LRRC45: variants seen among roughly 807,000 people sequenced by gnomAD.
LRRC45 encodes leucine-rich repeat-containing protein 45.
A neutral mutation model predicts 85.4 loss-of-function variants in LRRC45; 73 were observed. The ratio of observed to expected loss-of-function variants is 0.85; its 90% confidence interval spans 0.71 to 1.04. The LOEUF is 1.04. LRRC45 is among the 50% of genes least tolerant of loss of function. The pLI is 0.00. For missense variants in LRRC45, 937 were observed against 883.3 expected, an observed-to-expected ratio of 1.06 and a Z score of -0.77; for synonymous variants, 429 against 386.0, an observed-to-expected ratio of 1.11 and a Z score of -1.31.
At chr17:82,026,613 T>G (rs1399222550) in intron 5 of LRRC45, among the ~76,000 whole-genome samples, 1 of 144,080 alleles carries the variant, frequency 6.9e-6, no homozygotes, top group Non-Finnish European at 1.5e-5. Flanking sequence ...TGAGTTTCAC[T>G]CAGTCACCCA....
intron 2 of LRRC45, 39 bp from the exon 3 acceptor site, chr17:82,024,654 C>A: frequency 6.4e-7 from 1 of 1,553,426 alleles, no homozygotes; most frequent in South Asian, 1.2e-5. Context: ...CAGAGCCAGT[C>A]AGGGCACGCG....
Position 82,029,122 on chromosome 17 carries a change from G to C in LRRC45, c.1338G>C (p.Glu446Asp), listed in dbSNP as rs1224280140. The part of the protein sequence containing the change: ...EVEHMTRHLE[E>D]SEKAMQERVQ... ...AGCATATGACCCGTCACCTGGAGGA[G>C]AGTGAGAAGGCCATGCAGGAGCGGG... is the stretch of plus-strand genomic sequence containing the variant. The change falls in exon 13 of 17, where the codon GAG (glutamate) becomes GAC (aspartate). Residue 446 changes from glutamate to aspartate, a missense_variant. Coordinates refer to ENST00000306688, the MANE Select transcript of LRRC45 (RefSeq NM_144999.4). 8 of 1,612,740 alleles carry C rather than the reference G, an allele frequency of 5.0e-6. No individual in the cohort carries two copies. Among genetic ancestry groups the C allele is most frequent in the Non-Finnish European group, 6.8e-6 (8 of 1,179,934 alleles).
In LRRC45 at chr17:82,028,057, C is replaced by G. The variant is rs1167830680; in HGVS notation, c.958C>G (p.Gln320Glu). The G allele has an allele frequency of 2.5e-6, 4 of 1,604,428 alleles. No homozygotes were observed. The Admixed American group carries it at 6.8e-5, about 27-fold the overall frequency. ...CCTGGCTCTGTCGGAGCAGAAGGCCCAGGACCTGGGGGAGCTCCTGGCCAC... is the reference window on the plus strand; with the variant it reads ...CCTGGCTCTGTCGGAGCAGAAGGCCGAGGACCTGGGGGAGCTCCTGGCCAC... ...AALALSEQKA[Q>E]DLGELLATAE... Residue 320 changes from glutamine (Q) to glutamate (E), a missense_variant, in exon 9 of 17, where the codon CAG becomes GAG. Gln to Glu is a conservative substitution (Grantham distance 29). Transcript: ENST00000306688.
chr17:82,024,464 G>A (rs574326085), intron 2 of LRRC45, 125 bp downstream of exon 2: 1 of 1,177,982 alleles, frequency 8.5e-7, no homozygotes, highest in South Asian at 1.4e-5. Flanking sequence ...TGAGTCCCCA[G>A]GCCGCTCTCT....
At position 82,030,999 on chromosome 17, in the gene LRRC45, G is replaced by A. The variant is rs1029130975; in HGVS notation, c.*194G>A. 43 of 409,284 alleles carry A rather than the reference G, an allele frequency of 1.1e-4. No individual in the cohort carries two copies. The highest frequency in any genetic ancestry group is 1.3e-4 in the South Asian group (1 of 7,550). The allele number at this position is 409,284 out of a possible 1,614,324, so 25.4% of individuals were successfully genotyped here. ...GGCGCCTGGGAAGGGCTCCCTACCG[G>A]CCCCTTCTTCCCGGTCGACGCCACG... On this transcript the variant is annotated 3_prime_UTR_variant, in exon 17 of 17. Coordinates refer to ENST00000306688, the MANE Select transcript of LRRC45 (RefSeq NM_144999.4).
chr17:82,030,646 G>C lies in LRRC45; in HGVS notation c.1854G>C (p.Arg618Ser). The change falls in exon 17 of 17, where the codon AGG becomes AGC. Residue 618 changes from arginine to serine, a missense_variant. By Grantham distance (110) the Arg-to-Ser change is moderately radical. Coordinates refer to ENST00000306688, the MANE Select transcript of LRRC45 (RefSeq NM_144999.4). ...ASDHREALLDRESENASLREK... is the reference protein window; with the variant it reads ...ASDHREALLDSESENASLREK... ...ACCACCGAGAGGCGCTGCTGGACAG[G>C]GAGAGCGAGAACGCGTCTCTCCGGG... The C allele has an allele frequency of 7.0e-7, 1 of 1,426,662 alleles. No homozygotes were observed. The highest frequency in any genetic ancestry group is 2.8e-5 in the East Asian group (1 of 36,032). 88.4% of individuals were successfully genotyped at this position (1,426,662 alleles called of 1,614,324 possible).
At chr17:82,027,466 G>A in intron 7 of LRRC45, 22 bp downstream of exon 7, 2 of 1,612,490 alleles carry the variant, frequency 1.2e-6, no homozygotes, top group Non-Finnish European at 1.7e-6. Flanking sequence ...CAGGGCAGGG[G>A]CAGGGTGAGG....
rs763034187 is a variant in LRRC45 at position 82,030,213 on chromosome 17, G to T, written c.1643G>T (p.Arg548Leu). 52 of 1,537,172 alleles carry T rather than the reference G, an allele frequency of 3.4e-5. No individual in the cohort carries two copies. The highest frequency in any genetic ancestry group is 4.2e-5 in the Non-Finnish European group (48 of 1,138,882). Reference protein sequence around the residue: ...SQLGLQVEGLRRRLEELQQEL... With the variant: ...SQLGLQVEGLLRRLEELQQEL... The stretch of plus-strand genomic sequence containing the variant: ...CTGGGCCTGCAAGTTGAGGGCCTGC[G>T]GCGGCGCCTGGAAGAGCTGCAGCAG... Residue 548 changes from arginine to leucine, a missense_variant, in exon 15 of 17, where the codon CGG becomes CTG. Transcript: ENST00000306688.
intron 3 of LRRC45, 22 bp downstream of exon 3, chr17:82,024,785 A>G (rs2144139369): frequency 6.4e-7 from 1 of 1,565,914 alleles, no homozygotes. Flanking sequence ...TCCCGACCCC[A>G]GGCCCTGTCT....
rs1469884472 is a variant in LRRC45 at position 82,024,708 on chromosome 17, G to A, written c.298G>A (p.Ala100Thr). The stretch of plus-strand genomic sequence containing the variant: ...TCTCTCCTAGGGCAACAACCTTCGG[G>A]CTGCAGGGGCCGAGGCTCTGGGAAA... ...FLDLKGNNLRAAGAEALGKLL... is the reference protein window; with the variant it reads ...FLDLKGNNLRTAGAEALGKLL... The change falls in exon 3 of 17, where the codon GCT becomes ACT. Residue 100 changes from alanine to threonine, a missense_variant. Transcript: ENST00000306688. 6.4e-7 allele frequency: 1 copy of A among 1,574,466 alleles called. No homozygotes were observed. Among genetic ancestry groups the A allele is most frequent in the East Asian group, 2.3e-5 (1 of 44,420 alleles).
chr17:82,027,865 C>A (rs779903787), intron 8 of LRRC45, 114 bp downstream of exon 8: 13 of 1,511,666 alleles, frequency 8.6e-6, no homozygotes, highest in Non-Finnish European at 1.2e-5. Context: ...AATGGTGAGG[C>A]TGGGGCAGTA....
chr17:82,030,260 G>A (rs1294604920), intron 15 of LRRC45, 22 bp downstream of exon 15: 1 of 1,534,570 alleles, frequency 6.5e-7, no homozygotes, highest in Non-Finnish European at 8.8e-7. Context: ...TCCGGTGGGG[G>A]GCCCCGGGCG....
chr17:82,027,443 A>T lies in LRRC45; in HGVS notation c.832A>T (p.Arg278Trp). ...GCGAGAAGAGATGGCCAAGAGCAGCAGGTGAGCGGGCCCAGGGCAGGGGCA... is the reference window on the plus strand; with the variant it reads ...GCGAGAAGAGATGGCCAAGAGCAGCTGGTGAGCGGGCCCAGGGCAGGGGCA... The part of the protein sequence containing the change: ...KQREEMAKSS[R>W]ASAARVGQLQ... Residue 278 changes from arginine (R) to tryptophan (W), a missense_variant and splice_region_variant, in exon 7 of 17, where the codon AGG becomes TGG. Physicochemically the swap from Arg to Trp is moderately radical, Grantham distance 101. Coordinates refer to ENST00000306688, the MANE Select transcript of LRRC45 (RefSeq NM_144999.4). The T allele has an allele frequency of 4.3e-6, 7 of 1,612,730 alleles. No individual in the cohort carries two copies. The highest frequency in any genetic ancestry group is 5.9e-6 in the Non-Finnish European group (7 of 1,179,952).
Position 82,031,118 on chromosome 17 carries a change from G to C in LRRC45, c.*313G>C, listed in dbSNP as rs1445859748. 1.2e-5 allele frequency: 4 copies of C among 334,890 alleles called. No individual in the cohort carries two copies. Among genetic ancestry groups the C allele is most frequent in the African/African-American group, 6.4e-5 (3 of 47,218 alleles). 20.7% of individuals were successfully genotyped at this position (334,890 alleles called of 1,614,324 possible). On this transcript the variant is annotated 3_prime_UTR_variant, in exon 17 of 17. Transcript: ENST00000306688. ...GCTGCGGCCGCCTGCGCGCGGCGGG[G>C]TTTGGAAATACAGCGCGTTTGCACT...
rs548960765 is a variant in LRRC45, at chr17:82,030,781, G to A, written c.1989G>A (p.Val663=). ...TGGCTTACGTGCAGGCGTCCCCCGT[G>A]AGGACCCTGAGCCCCCCAAAGTGAG... ...AVLAYVQASP[V]RTLSPPK The change falls in exon 17 of 17, where the codon GTG becomes GTA. Residue 663 remains valine, a synonymous_variant. Coordinates refer to ENST00000306688, the MANE Select transcript of LRRC45 (RefSeq NM_144999.4). The A allele has an allele frequency of 2.1e-6, 3 of 1,410,754 alleles. No homozygotes were observed. In the African/African-American group the frequency reaches 4.4e-5, roughly 21 times the overall value. The allele number at this position is 1,410,754 out of a possible 1,614,324, so 87.4% of individuals were successfully genotyped here. A position where few individuals can be genotyped will look rare whatever the true frequency, so the allele number is the denominator to read the frequency against.
Position 82,030,157 on chromosome 17 carries a change from G to A in LRRC45, c.1587G>A (p.Val529=). 1 of 1,547,508 alleles carries A rather than the reference G, an allele frequency of 6.5e-7. No homozygotes were observed. The highest frequency in any genetic ancestry group is 8.7e-7 in the Non-Finnish European group (1 of 1,146,234). ...AQGACLQQKQ[V]VAEAQTRVSQ... ...GCGCTTGCCTACAGCAGAAGCAGGT[G>A]GTGGCCGAGGCCCAGACCCGGGTCA... Residue 529 remains valine (V), a synonymous_variant, in exon 15 of 17, where the codon GTG becomes GTA. Coordinates refer to ENST00000306688, the MANE Select transcript of LRRC45 (RefSeq NM_144999.4).
rs2144145422 is a variant in LRRC45 at position 82,027,885 on chromosome 17, C to T, written c.912-126C>T. On this transcript the variant is annotated intron_variant, in intron 8 of 16. Coordinates refer to ENST00000306688, the MANE Select transcript of LRRC45 (RefSeq NM_144999.4). ...TGAGGCTGGGGCAGTAACCCAGAAG[C>T]CTTCCTGGAGGAGGCGGGTGCTGGC... 2.0e-6 allele frequency: 3 copies of T among 1,510,174 alleles called. No homozygotes were observed. The South Asian group carries it at 3.7e-5, about 19-fold the overall frequency. 93.5% of individuals were successfully genotyped at this position (1,510,174 alleles called of 1,614,324 possible). A position where few individuals can be genotyped will look rare whatever the true frequency, so the allele number is the denominator to read the frequency against.
chr17:82,027,627 C>A, intron 7 of LRRC45, 47 bp from the exon 8 acceptor site: 1 of 1,584,240 alleles, frequency 6.3e-7, no homozygotes, highest in Non-Finnish European at 8.6e-7. Flanking sequence ...GGTATGGGAG[C>A]GCTCTGGGGT....
intron 13 of LRRC45, 117 bp downstream of exon 13, chr17:82,029,302 A>G (rs1320273064): frequency 2.8e-6 from 3 of 1,089,484 alleles, no homozygotes; most frequent in East Asian, 5.2e-5. Context: ...AGAGGCTCAT[A>G]GGCCCCACCT....
Sources: gnomAD v4.1 joint callset for allele counts (sites outside exome capture counted in the v4.1 genomes callset) on GRCh38, gnomAD v4.1.1 for gene constraint, MANE v1.5 for transcripts, NCBI Gene and HGNC (gene_info 2026-07-23, HGNC 2026-07-21) for gene names.